The following DEF8 variants were observed in gnomAD, a reference collection of about 807,000 sequenced individuals.
The protein encoded by DEF8 is differentially expressed in FDCP 8 homolog.
DEF8 carries 38 observed loss-of-function variants against 59.1 expected under a neutral mutation model. The ratio of observed to expected loss-of-function variants is 0.64; its 90% CI spans 0.50 to 0.84. DEF8 has a LOEUF of 0.84. Among genes scored for constraint, DEF8 ranks in the 40% least tolerant of loss-of-function variants. The pLI, the probability that DEF8 is intolerant of heterozygous loss-of-function variation, is 0.00. For synonymous variants in DEF8, 265 were observed against 250.1 expected (o/e 1.06, Z -0.56); for missense variants, 557 against 615.2 (o/e 0.91, Z 1.00).
rs201667784 is a variant in DEF8 at position 89,955,266 on chromosome 16, G to A, written c.222G>A (p.Val74=). 2.2e-5 allele frequency: 36 copies of A among 1,613,374 alleles called. No homozygotes were observed. Among genetic ancestry groups the A allele is most frequent in the Non-Finnish European group, 2.8e-5 (33 of 1,179,712 alleles). ...GLSEDHFSRP[V]GLFLASDVQQ... The stretch of plus-strand genomic sequence containing the variant: ...CTGAGGACCACTTCTCCCGCCCTGT[G>A]GTAAGGTTTTAGATCTCGGAGGGGA... Residue 74 remains valine (V), a splice_region_variant and synonymous_variant, in exon 4 of 13, where the codon GTG becomes GTA. Transcript: ENST00000563594.
At chr16:89,961,586 C>T in intron 7 of DEF8, 151 bp from the exon 8 acceptor site, 2 of 923,486 alleles carry the variant, frequency 2.2e-6, no homozygotes, top group Non-Finnish European at 3.3e-6. Flanking sequence ...CAGTGAGACG[C>T]TGGGACCACC....
intron 11 of DEF8, 48 bp downstream of exon 11, chr16:89,964,358 G>T: frequency 6.5e-7 from 1 of 1,550,020 alleles, no homozygotes; most frequent in South Asian, 1.2e-5. Flanking sequence ...AGCCCTGAGG[G>T]GGGATTGGCA....
chr16:89,948,856 G>T, intron 1 of DEF8, 42 bp downstream of exon 1: 1 of 757,954 alleles, frequency 1.3e-6, no homozygotes, highest in Non-Finnish European at 1.5e-6. Context: ...CGGCGGGGAC[G>T]GGGCCGGCGG....
intron 2 of DEF8, chr16:89,950,392 T>A: frequency 1.8e-6 from 1 of 553,812 alleles, no homozygotes; most frequent in African/African-American, 3.5e-5. Flanking sequence ...CAGGGCTGAT[T>A]TTTTTTTTTT....
Position 89,954,196 on chromosome 16 carries a change from G to A in DEF8, c.-10-47G>A, listed in dbSNP as rs2032710210. 1.3e-6 allele frequency: 2 copies of A among 1,595,222 alleles called. No homozygotes were observed. The highest frequency in any genetic ancestry group is 1.7e-5 in the Admixed American group (1 of 58,662). ...GGTTGGGGAAAGGGGGTGGTCCGTG[G>A]TGAGCCTGGTACCTGGGGACTCATC... is the stretch of plus-strand genomic sequence containing the variant. On this transcript the variant is annotated intron_variant, in intron 2 of 12. Transcript: ENST00000563594. The surrounding 1 kb of genome is among the most constrained non-coding windows in gnomAD (Gnocchi z 4.3).
intron 12 of DEF8, 104 bp from the exon 13 acceptor site, chr16:89,965,757 G>T: frequency 1.4e-6 from 1 of 694,430 alleles, no homozygotes; most frequent in Non-Finnish European, 2.4e-6. Context: ...TCTGCCCTTT[G>T]GTAACGGCTG....
At chr16:89,960,665 T>A (rs2033912750) in intron 6 of DEF8, among the ~76,000 whole-genome samples, 1 of 150,944 alleles carries the variant, frequency 6.6e-6, no homozygotes, top group Non-Finnish European at 1.5e-5. Context: ...TTTGGACAGG[T>A]TGGGTCTGGT....
Position 89,964,469 on chromosome 16 carries a change from T to G in DEF8, c.1147T>G (p.Cys383Gly). The change falls in exon 12 of 13, where the codon TGC becomes GGC. Residue 383 changes from cysteine to glycine, a missense_variant. Physicochemically the swap from Cys to Gly is radical, Grantham distance 159. Transcript: ENST00000563594. ...AKHIKLDCERCQAKGFVCELC... is the reference protein window; with the variant it reads ...AKHIKLDCERGQAKGFVCELC... ...AACCCCACACTGTTCCCCCCAGCGGTGCCAGGCCAAGGGCTTCGTGTGTGA... is the reference window on the plus strand; with the variant it reads ...AACCCCACACTGTTCCCCCCAGCGGGGCCAGGCCAAGGGCTTCGTGTGTGA... The G allele has an allele frequency of 6.3e-7, 1 of 1,589,458 alleles. No individual in the cohort carries two copies.
In DEF8 at chr16:89,961,880, TG is replaced by T; in HGVS notation, c.807+21del. ...GCCTCGAAAGGTGGGGGTTGGAAGG[TG>T]GGGGCATCCCCCTGGGGAGGGAGAG... On this transcript the variant is annotated intron_variant, in intron 8 of 12. Transcript: ENST00000563594. 2 of 1,583,722 alleles carry T rather than the reference TG, an allele frequency of 1.3e-6. No homozygotes were observed. Among genetic ancestry groups the T allele is most frequent in the Non-Finnish European group, 8.6e-7 (1 of 1,162,488 alleles).
intron 6 of DEF8, chr16:89,959,473 GT>G: frequency 1.4e-6 from 1 of 696,738 alleles, no homozygotes; most frequent in East Asian, 3.7e-5. Flanking sequence ...ACGTGACTTT[GT>G]TTTTTGTTTT....
intron 8 of DEF8, 23 bp downstream of exon 8, chr16:89,961,887 A>T (rs1187558777): frequency 6.3e-7 from 1 of 1,595,872 alleles, no homozygotes. Context: ...AGGTGGGGGC[A>T]TCCCCCTGGG....
intron 1 of DEF8, among the ~76,000 whole-genome samples, chr16:89,949,094 ACGGG>A (rs2031412825): frequency 2.6e-4 from 13 of 50,920 alleles, no homozygotes. Flanking sequence ...GCCGGCGGGG[ACGGG>A]GCCGGCGAGG....
At chr16:89,963,858 G>A in intron 10 of DEF8, 1 of 516,828 alleles carries the variant, frequency 1.9e-6, no homozygotes, top group Non-Finnish European at 3.6e-6. Flanking sequence ...CTGGGGTGGT[G>A]AACTCTGTGA....
At chr16:89,964,622 G>C in intron 12 of DEF8, 47 bp downstream of exon 12, 1 of 1,447,520 alleles carries the variant, frequency 6.9e-7, no homozygotes, top group Non-Finnish European at 9.4e-7. Context: ...GCTCTGCGCT[G>C]TCCTCTGGGG....
intron 12 of DEF8, 26 bp downstream of exon 12, chr16:89,964,601 C>A (rs562131633): frequency 1.3e-6 from 2 of 1,525,782 alleles, no homozygotes; most frequent in South Asian, 1.2e-5. Context: ...GCCCCGCACT[C>A]GGGGGCTGGG....
rs1468769305 is a variant in DEF8, at chr16:89,949,520, G to A, written c.-11+7G>A. 1 of 1,613,362 alleles carries A rather than the reference G, an allele frequency of 6.2e-7. No individual in the cohort carries two copies. Among genetic ancestry groups the A allele is most frequent in the Non-Finnish European group, 8.5e-7 (1 of 1,179,908 alleles). Reference sequence around the variant, plus strand: ...GCCCTGGCAGGCGATGCAGGTATGGGCAGACAGGACGCTGTTGACTCCGCA... The same window carrying A: ...GCCCTGGCAGGCGATGCAGGTATGGACAGACAGGACGCTGTTGACTCCGCA... On this transcript the variant is annotated splice_region_variant and intron_variant, in intron 2 of 12. Transcript: ENST00000563594.
chr16:89,957,931 T>G (rs1204452151), intron 5 of DEF8: 2 of 287,006 alleles, frequency 7.0e-6, no homozygotes, highest in Non-Finnish European at 1.3e-5. Flanking sequence ...TGTATTTGCT[T>G]GGTGACTGGA....
chr16:89,957,674 C>A lies in DEF8; in HGVS notation c.372+14C>A, dbSNP rs780046628. 1 of 1,536,084 alleles carries A rather than the reference C, an allele frequency of 6.5e-7. No homozygotes were observed. The highest frequency in any genetic ancestry group is 8.8e-7 in the Non-Finnish European group (1 of 1,138,218). On this transcript the variant is annotated intron_variant, in intron 5 of 12. Coordinates refer to ENST00000563594, the MANE Select transcript of DEF8 (RefSeq NM_001242818.2). Reference sequence around the variant, plus strand: ...CAGGAGCTGAAGGTGGGTGTGGGGCCGCCCCGCCGTGGGGCAGCCTGGGGC... The same window carrying A: ...CAGGAGCTGAAGGTGGGTGTGGGGCAGCCCCGCCGTGGGGCAGCCTGGGGC...
rs200259793 is a variant in DEF8, at chr16:89,955,220, G to A, written c.176G>A (p.Arg59His). The A allele has an allele frequency of 1.4e-5, 22 of 1,613,780 alleles. 1 individual carries two copies. The highest frequency in any genetic ancestry group is 8.0e-5 in the African/African-American group (6 of 74,992). The change falls in exon 4 of 13, where the codon CGC becomes CAC. Residue 59 changes from arginine to histidine, a missense_variant. Coordinates refer to ENST00000563594, the MANE Select transcript of DEF8 (RefSeq NM_001242818.2). Reference sequence around the variant, plus strand: ...GAGCCGGAATTCCGCTGCCCTGAACGCGTGATGGATCTCGGCCTGTCTGAG... The same window carrying A: ...GAGCCGGAATTCCGCTGCCCTGAACACGTGATGGATCTCGGCCTGTCTGAG... ...PGEPEFRCPE[R>H]VMDLGLSEDH...
Sources: gnomAD v4.1 joint callset for allele counts (sites outside exome capture counted in the v4.1 genomes callset) on GRCh38, gnomAD v4.1.1 for gene constraint, Gnocchi (gnomAD v3.1) non-coding constraint, MANE v1.5 for transcripts, NCBI Gene and HGNC (gene_info 2026-07-23, HGNC 2026-07-21) for gene names.